Variants in IL4I1 observed in about 807,000 individuals in gnomAD.
IL4I1 encodes the protein L-amino-acid oxidase.
IL4I1 carries 24 observed loss-of-function variants against 29.7 expected under a neutral mutation model. The observed-to-expected ratio is 0.81, with a 90% CI of 0.59 to 1.14. IL4I1 has a LOEUF of 1.14. IL4I1 is among the 50% of genes most tolerant of loss of function. The pLI is 0.00. For synonymous variants in IL4I1, 371 were observed against 352.5 expected (o/e 1.05, Z -0.59); for missense variants, 686 against 785.6 (o/e 0.87, Z 1.52).
chr19:49,919,512 C>T (rs1380094970), intron 2 of IL4I1, among the ~76,000 whole-genome samples: 2 of 152,214 alleles, frequency 1.3e-5, no homozygotes, highest in African/African-American at 2.4e-5. Context: ...AAAATCCTGC[C>T]TCTGCCACTT....
intron 2 of IL4I1, chr19:49,907,981 C>T: frequency 3.0e-6 from 2 of 655,838 alleles, no homozygotes; most frequent in Non-Finnish European, 5.0e-6. Context: ...TGGGTGGTCG[C>T]AGTAGGTGAA....
intron 2 of IL4I1, among the ~76,000 whole-genome samples, chr19:49,923,251 G>A (rs2075807080): frequency 1.3e-5 from 2 of 152,252 alleles, no homozygotes; most frequent in East Asian, 3.9e-4. Context: ...TGTTTGCCAG[G>A]ACTCCCACCT....
chr19:49,925,878 A>G (rs958941414), intron 2 of IL4I1, among the ~76,000 whole-genome samples: 2 of 152,194 alleles, frequency 1.3e-5, no homozygotes, highest in Admixed American at 6.5e-5. Flanking sequence ...TTTTCTGTTG[A>G]GTCAATCTAC....
chr19:49,896,265 GC>G, intron 1 of IL4I1, 83 bp from the exon 2 acceptor site: 1 of 1,435,830 alleles, frequency 7.0e-7, no homozygotes, highest in Admixed American at 2.8e-5. Flanking sequence ...GGGCTGCCCA[GC>G]TGCTAGAGCC....
intron 2 of IL4I1, chr19:49,909,095 G>A: frequency 1.2e-6 from 2 of 1,612,576 alleles, no homozygotes; most frequent in South Asian, 1.1e-5. Flanking sequence ...GGTACAGAGG[G>A]AGAGTCCAGT....
In IL4I1 at chr19:49,909,495, T is replaced by C. The variant is rs774667706; in HGVS notation, c.-227-5174A>G. 25 of 1,613,426 alleles carry C rather than the reference T, an allele frequency of 1.5e-5. No homozygotes were observed. The highest frequency in any genetic ancestry group is 2.1e-5 in the Non-Finnish European group (25 of 1,179,946). ...CCGCTGGGGTTTGCCATGGCTGGGG[T>C]GGCAGCTGTGTTGCTCAAGTTGAGC... On this transcript the variant is annotated intron_variant, in intron 2 of 9. Coordinates refer to the IL4I1 transcript ENST00000341114.
At chr19:49,909,540 A>G (rs377323890) in intron 2 of IL4I1, 54 of 1,614,054 alleles carry the variant, frequency 3.3e-5, no homozygotes, top group Non-Finnish European at 9.3e-6. Flanking sequence ...CCGATCCCCA[A>G]AGAAAATCCA....
At chr19:49,892,077 C>G (rs974837907) in intron 5 of IL4I1, among the ~76,000 whole-genome samples, 1 of 120,186 alleles carries the variant, frequency 8.3e-6, no homozygotes, top group Admixed American at 9.4e-5. Flanking sequence ...CCCTCAATGT[C>G]TTTTTTTTTT....
At position 49,890,605 on chromosome 19, in the gene IL4I1, AGGCGG is replaced by A; in HGVS notation, c.774-10_774-6del. 2.8e-6 allele frequency: 4 copies of A among 1,416,038 alleles called. No homozygotes were observed. The highest frequency in any genetic ancestry group is 2.9e-6 in the Non-Finnish European group (3 of 1,051,422). 87.7% of individuals were successfully genotyped at this position (1,416,038 alleles called of 1,614,324 possible). Reference sequence around the variant, plus strand: ...CCACCCACGATGCGGCTGTACCTGCAGGCGGGGCGGGGCGGGGTGGGGGCGTGACC... The same window carrying A: ...CCACCCACGATGCGGCTGTACCTGCAGGCGGGGCGGGGTGGGGGCGTGACC... On this transcript the variant is annotated splice_region_variant and splice_polypyrimidine_tract_variant and intron_variant, in intron 7 of 7. Coordinates refer to ENST00000391826, the MANE Select transcript of IL4I1 (RefSeq NM_152899.2).
At chr19:49,890,655 C>A (rs920621081) in intron 7 of IL4I1, 55 bp from the exon 8 acceptor site, 82 of 1,415,652 alleles carry the variant, frequency 5.8e-5, no homozygotes, top group Admixed American at 8.0e-5. Context: ...CGGCCCTGCC[C>A]CTCTGCCTTG....
intron 2 of IL4I1, chr19:49,907,306 C>A (rs2075343165): frequency 3.2e-6 from 1 of 308,224 alleles, no homozygotes; most frequent in South Asian, 2.5e-5. Flanking sequence ...GGAGGTGAGG[C>A]CCAAGGTGGG....
At position 49,890,061 on chromosome 19, in the gene IL4I1, G is replaced by T; in HGVS notation, c.1313C>A (p.Thr438Asn). 6.5e-7 allele frequency: 1 copy of T among 1,549,778 alleles called. No homozygotes were observed. Among genetic ancestry groups the T allele is most frequent in the Non-Finnish European group, 8.7e-7 (1 of 1,147,158 alleles). The change falls in exon 8 of 8, where the codon ACC (threonine) becomes AAC (asparagine). Residue 438 changes from threonine (T) to asparagine (N), a missense_variant. Thr to Asn is a moderately conservative substitution (Grantham distance 65). Coordinates refer to ENST00000391826, the MANE Select transcript of IL4I1 (RefSeq NM_152899.2). Reference sequence around the variant, plus strand: ...CTCCGCCCAACGCTTGACGACGCCGGTGCCGTCCCAGAGCTGGCGCACGAC... The same window carrying T: ...CTCCGCCCAACGCTTGACGACGCCGTTGCCGTCCCAGAGCTGGCGCACGAC... Reference protein sequence around the residue: ...GPVVRQLWDGTGVVKRWAEDQ... With the variant: ...GPVVRQLWDGNGVVKRWAEDQ...
intron 2 of IL4I1, among the ~76,000 whole-genome samples, chr19:49,923,513 G>GC (rs372748536): frequency 3.3e-5 from 5 of 152,340 alleles, no homozygotes; most frequent in African/African-American, 7.2e-5. Flanking sequence ...GGATCTGAAA[G>GC]CAGAAGCAGG....
chr19:49,894,827 C>A (rs1235419749), intron 4 of IL4I1, among the ~76,000 whole-genome samples: 1 of 151,888 alleles, frequency 6.6e-6, no homozygotes. Flanking sequence ...GGGGCCAGCA[C>A]AGGAGCTGGC....
At chr19:49,895,698 T>TGCCCCCCCCACCCCCCCACCCCC in intron 3 of IL4I1, 117 bp downstream of exon 3, 2 of 705,416 alleles carry the variant, frequency 2.8e-6, no homozygotes, top group Non-Finnish European at 2.4e-6. Flanking sequence ...AGATAGCCTC[T>TGCCCCCCCCACCCCCCCACCCCC]CCCCCCACAT....
At chr19:49,907,533 G>A (rs1288964838) in intron 2 of IL4I1, 1 of 404,290 alleles carries the variant, frequency 2.5e-6, no homozygotes, top group Admixed American at 3.4e-5. Context: ...TCTCCTGGGA[G>A]TTTCTTTTTT....
chr19:49,902,460 T>C (rs2075279831), intron 3 of IL4I1, among the ~76,000 whole-genome samples: 1 of 151,886 alleles, frequency 6.6e-6, no homozygotes, highest in African/African-American at 2.4e-5. Context: ...GGCAGCCATT[T>C]CTTAATATCA....
rs767321893 is a variant in IL4I1 at position 49,890,582 on chromosome 19, A to G, written c.792T>C (p.Gly264=). The G allele has an allele frequency of 1.3e-6, 2 of 1,572,826 alleles. No homozygotes were observed. Among genetic ancestry groups the G allele is most frequent in the African/African-American group, 2.7e-5 (2 of 74,234 alleles). The stretch of plus-strand genomic sequence containing the variant: ...GCGCGCGCGGCAGCAGGTCCCAGCC[A>G]CCCACGATGCGGCTGTACCTGCAGG... ...SDRLQYSRIV[G]GWDLLPRALL... is the part of the protein sequence containing the mutation. The change falls in exon 8 of 8, where the codon GGT becomes GGC. Residue 264 remains glycine, a synonymous_variant. Transcript: ENST00000391826.
chr19:49,928,845 T>A (rs543324007), intron 1 of IL4I1: 1 of 152,034 alleles, frequency 6.6e-6, no homozygotes, highest in East Asian at 1.9e-4. Flanking sequence ...CTGGTGCAGG[T>A]CTGCGGGAAG....
Sources: gnomAD v4.1 joint callset for allele counts (sites outside exome capture counted in the v4.1 genomes callset) on GRCh38, gnomAD v4.1.1 for gene constraint, MANE v1.5 for transcripts, NCBI Gene and HGNC (gene_info 2026-07-23, HGNC 2026-07-21) for gene names.